Variants in KCNH7 observed in about 807,000 individuals in gnomAD.
KCNH7 encodes the protein voltage-gated inwardly rectifying potassium channel KCNH7.
Under a neutral mutation model 120.8 loss-of-function variants are expected in KCNH7, and 49 were observed. The observed-to-expected ratio is 0.41, with a 90% CI of 0.32 to 0.51. KCNH7 has a LOEUF of 0.51. Ranked by LOEUF, KCNH7 falls within the 20% of genes least tolerant of loss-of-function variation. The pLI is 0.38. For synonymous variants in KCNH7, 547 were observed against 516.1 expected, an observed-to-expected ratio of 1.06 and a Z score of -0.81; for missense variants, 1,097 against 1,446.6, an observed-to-expected ratio of 0.76 and a Z score of 3.92.
At chr2:162,668,280 G>A (rs987036180) in intron 2 of KCNH7, among the ~76,000 whole-genome samples, 1 of 152,116 alleles carries the variant, frequency 6.6e-6, no homozygotes, top group Non-Finnish European at 1.5e-5. Flanking sequence ...TGCTCACTGT[G>A]TAGATAACAA....
intron 2 of KCNH7, among the ~76,000 whole-genome samples, chr2:162,722,422 T>C (rs775064227): frequency 3.3e-5 from 5 of 152,016 alleles, no homozygotes; most frequent in African/African-American, 4.8e-5. Context: ...AATCAGAAAA[T>C]AGTAGACTTT....
intron 6 of KCNH7, among the ~76,000 whole-genome samples, chr2:162,471,120 G>A (rs1297560042): frequency 6.6e-6 from 1 of 152,046 alleles, no homozygotes; most frequent in African/African-American, 2.4e-5. Flanking sequence ...GAGGGCCGCA[G>A]GGTCCTCTGC....
At chr2:162,577,318 T>TATCTATCTATCTATCTATC (rs1559025306) in intron 2 of KCNH7, among the ~76,000 whole-genome samples, 5 of 147,830 alleles carry the variant, frequency 3.4e-5, no homozygotes, top group African/African-American at 1.3e-4. Context: ...TCTATCTATC[T>TATCTATCTATCTATCTATC]ATCTATCTAT....
chr2:162,746,356 G>A (rs1249615653), intron 2 of KCNH7, among the ~76,000 whole-genome samples: 1 of 152,084 alleles, frequency 6.6e-6, no homozygotes, highest in African/African-American at 2.4e-5. Flanking sequence ...AATGTTTTGA[G>A]TGTTAACATA....
At chr2:162,430,717 CA>C (rs1238602631) in intron 8 of KCNH7, among the ~76,000 whole-genome samples, 3 of 151,848 alleles carry the variant, frequency 2.0e-5, no homozygotes, top group African/African-American at 7.3e-5. Flanking sequence ...TTAGTAACTC[CA>C]TCATAACTGG....
chr2:162,423,415 A>G lies in KCNH7; in HGVS notation c.2075T>C (p.Ile692Thr). The change falls in exon 9 of 16, where the codon ATC (isoleucine) becomes ACC (threonine). Residue 692 changes from isoleucine (I) to threonine (T), a missense_variant. Ile to Thr is a moderately conservative substitution (Grantham distance 89). This residue lies in a region of KCNH7 where 24 missense variants were observed against 105.8 expected (regional missense o/e 0.23). Coordinates refer to ENST00000332142, the MANE Select transcript of KCNH7 (RefSeq NM_033272.4). ...RVKEFIRFHQ[I>T]PNPLRQRLEE... ...AAGACGTTGCCTCAGAGGGTTGGGGATTTGGTGAAAGCGAATGAACTCTTT... is the reference window on the plus strand; with the variant it reads ...AAGACGTTGCCTCAGAGGGTTGGGGGTTTGGTGAAAGCGAATGAACTCTTT... The G allele has an allele frequency of 6.2e-7, 1 of 1,614,098 alleles. No individual in the cohort carries two copies. Among genetic ancestry groups the G allele is most frequent in the East Asian group, 2.2e-5 (1 of 44,870 alleles).
At chr2:162,755,810 A>G (rs1235541893) in intron 2 of KCNH7, among the ~76,000 whole-genome samples, 1 of 152,196 alleles carries the variant, frequency 6.6e-6, no homozygotes, top group Non-Finnish European at 1.5e-5. Flanking sequence ...TAGTCAACAT[A>G]TATTTTGGAA....
At chr2:162,635,971 C>T (rs1314976291) in intron 2 of KCNH7, among the ~76,000 whole-genome samples, 6 of 151,968 alleles carry the variant, frequency 3.9e-5, no homozygotes, top group South Asian at 2.1e-4. Flanking sequence ...TCTCACTTTA[C>T]GAAATACATC....
rs532068815 is a variant in KCNH7, at chr2:162,564,871, T to C, written c.308-27791A>G. Among the ~76,000 whole-genome samples the C allele has an allele frequency of 7.2e-5, 11 of 152,196 alleles. No homozygotes were observed. In the South Asian group the frequency reaches 2.1e-3, roughly 29 times the overall value. On this transcript the variant is annotated intron_variant, in intron 2 of 15. Transcript: ENST00000332142. ...TTTCACATTTCATGAACTTGGAAAA[T>C]CATAATTTTTTATAGTCTCTCCAAA...
At chr2:162,829,818 C>T (rs544838357) in intron 2 of KCNH7, among the ~76,000 whole-genome samples, 1 of 148,738 alleles carries the variant, frequency 6.7e-6, no homozygotes, top group East Asian at 2.0e-4. Flanking sequence ...TCCTATAACA[C>T]ACTTTCCCCC....
In KCNH7 at chr2:162,446,101, G is replaced by A; in HGVS notation, c.1471C>T (p.His491Tyr). The A allele has an allele frequency of 6.2e-7, 1 of 1,613,852 alleles. No individual in the cohort carries two copies. Among genetic ancestry groups the A allele is most frequent in the Non-Finnish European group, 8.5e-7 (1 of 1,179,832 alleles). Reference sequence around the variant, plus strand: ...ATCAGGAACCAGCCTTTGAAGTAGTGTATTGCTATTTTGGCGGGATCACTT... The same window carrying A: ...ATCAGGAACCAGCCTTTGAAGTAGTATATTGCTATTTTGGCGGGATCACTT... ...VVSDPAKIAIHYFKGWFLIDM... is the reference protein window; with the variant it reads ...VVSDPAKIAIYYFKGWFLIDM... Residue 491 changes from histidine (H) to tyrosine (Y), a missense_variant, in exon 7 of 16, where the codon CAC becomes TAC. Coordinates refer to ENST00000332142, the MANE Select transcript of KCNH7 (RefSeq NM_033272.4).
chr2:162,592,947 G>T (rs1177563623), intron 2 of KCNH7, among the ~76,000 whole-genome samples: 2 of 151,850 alleles, frequency 1.3e-5, no homozygotes, highest in African/African-American at 4.8e-5. Flanking sequence ...CTATTTTCTA[G>T]GTTCAGATAG....
chr2:162,700,664 C>T (rs1686464740), intron 2 of KCNH7, among the ~76,000 whole-genome samples: 1 of 152,108 alleles, frequency 6.6e-6, no homozygotes, highest in Non-Finnish European at 1.5e-5. Flanking sequence ...AGATCATTTC[C>T]AACTTCTTTG....
intron 9 of KCNH7, among the ~76,000 whole-genome samples, chr2:162,404,530 T>C (rs1687151904): frequency 6.6e-6 from 1 of 151,898 alleles, no homozygotes; most frequent in Admixed American, 6.6e-5. Context: ...GTCTTCATGA[T>C]AGCAAGTGAG....
chr2:162,759,674 C>T (rs1688902456), intron 2 of KCNH7, among the ~76,000 whole-genome samples: 1 of 150,044 alleles, frequency 6.7e-6, no homozygotes, highest in South Asian at 2.1e-4. Flanking sequence ...GAAGGAAGAA[C>T]ATGACAACAG....
chr2:162,538,926 C>A lies in KCNH7; in HGVS notation c.308-1846G>T, dbSNP rs373229864. Among the ~76,000 whole-genome samples the A allele has an allele frequency of 5.2e-4, 79 of 152,112 alleles. 3 individuals are homozygous for A. In the South Asian group the frequency reaches 5.6e-3, roughly 11 times the overall value. On this transcript the variant is annotated intron_variant, in intron 2 of 15. Transcript: ENST00000332142. ...TATAATACAAATGTGGACAGCTTCC[C>A]AAATTTGAAATGTGGATAACTTTAT...
chr2:162,588,313 T>A (rs1694087668), intron 2 of KCNH7, among the ~76,000 whole-genome samples: 1 of 152,180 alleles, frequency 6.6e-6, no homozygotes, highest in African/African-American at 2.4e-5. Context: ...CTTCATGTAA[T>A]AAGTTCTGTT....
At chr2:162,400,781 A>T (rs970190611) in intron 9 of KCNH7, among the ~76,000 whole-genome samples, 7 of 151,936 alleles carry the variant, frequency 4.6e-5, no homozygotes, top group Non-Finnish European at 2.9e-5. Context: ...GTGACAATTA[A>T]TAAGACGTAA....
At chr2:162,538,506 G>A (rs924294372) in intron 2 of KCNH7, among the ~76,000 whole-genome samples, 6 of 152,052 alleles carry the variant, frequency 3.9e-5, no homozygotes. Context: ...AGGACCCCTG[G>A]AGGCTGGAGA....
Sources: allele counts gnomAD v4.1 joint callset (sites outside exome capture counted in the v4.1 genomes callset), GRCh38; gene constraint gnomAD v4.1.1; regional missense constraint gnomAD v4.1.1; transcripts MANE v1.5; gene names NCBI Gene and HGNC (gene_info 2026-07-23, HGNC 2026-07-21).